The following PIEZO2 variants were observed in gnomAD, a reference collection of about 807,000 sequenced individuals.
PIEZO2 encodes piezo type mechanosensitive ion channel component 2, also known as piezo-type mechanosensitive ion channel component 2.
A neutral mutation model predicts 337.3 loss-of-function variants in PIEZO2; 172 were observed. That is an observed-to-expected ratio of 0.51 (90% CI 0.45 to 0.58). The LOEUF (loss-of-function observed/expected upper bound fraction) is 0.58, where lower values mean the gene tolerates loss of function less well. Ranked by LOEUF, PIEZO2 falls within the 20% of genes least tolerant of loss-of-function variation. The pLI is 0.00. For synonymous variants in PIEZO2, 1,251 were observed against 1,228.5 expected, an observed-to-expected ratio of 1.02 and a Z score of -0.38; for missense variants, 3,028 against 3,391.3, an observed-to-expected ratio of 0.89 and a Z score of 2.66.
intron 2 of PIEZO2, among the ~76,000 whole-genome samples, chr18:11,043,665 A>G (rs1280144370): frequency 1.3e-5 from 2 of 152,068 alleles, no homozygotes; most frequent in Non-Finnish European, 2.9e-5. Context: ...CCCTAAACAC[A>G]TATACTTCCC....
intron 36 of PIEZO2, among the ~76,000 whole-genome samples, chr18:10,718,870 C>G (rs1476227644): frequency 1.3e-5 from 2 of 151,766 alleles, no homozygotes; most frequent in Non-Finnish European, 2.9e-5. Context: ...TGGTGCGCAC[C>G]TGTAGTCCCA....
chr18:11,076,480 T>A (rs1380690741), intron 1 of PIEZO2, among the ~76,000 whole-genome samples: 1 of 152,148 alleles, frequency 6.6e-6, no homozygotes, highest in Non-Finnish European at 1.5e-5. Flanking sequence ...CTGAATTTTC[T>A]GCTTTTTCCA....
Position 10,979,631 on chromosome 18 carries a change from A to T in PIEZO2, c.190T>A (p.Cys64Ser), listed in dbSNP as rs574038773. Reference protein sequence around the residue: ...GHTGRLLKSLCFISLSFLLLH... With the variant: ...GHTGRLLKSLSFISLSFLLLH... ...AACAGGAAGGAAAGACTGATGAAGC[A>T]CAGAGACTTTAATAACCGTCCCGTA... The change falls in exon 3 of 56, where the codon TGC (cysteine) becomes AGC (serine). Residue 64 changes from cysteine (C) to serine (S), a missense_variant. Around this residue, in one of 5 missense-constraint regions of PIEZO2, gnomAD observed 542 missense variants for 605.6 expected, o/e 0.89. Transcript: ENST00000674853. This position sits in a 1 kb window ranked among gnomAD's most constrained non-coding sequence, Gnocchi z 4.0. The T allele has an allele frequency of 9.1e-6, 14 of 1,535,786 alleles. No individual in the cohort carries two copies. The highest frequency in any genetic ancestry group is 1.2e-5 in the Non-Finnish European group (14 of 1,145,814).
intron 29 of PIEZO2, among the ~76,000 whole-genome samples, chr18:10,749,070 A>G (rs1568014326): frequency 6.6e-6 from 1 of 152,226 alleles, no homozygotes; most frequent in South Asian, 2.1e-4. Context: ...AGGAGTATCA[A>G]TAGTATGCCT....
chr18:10,971,483 G>A (rs941635977), intron 3 of PIEZO2, among the ~76,000 whole-genome samples: 1 of 152,190 alleles, frequency 6.6e-6, no homozygotes, highest in Non-Finnish European at 1.5e-5. Context: ...GGACCCACTT[G>A]GAGGAGGTGG....
At chr18:10,804,513 C>T (rs137970570) in intron 8 of PIEZO2, among the ~76,000 whole-genome samples, 7 of 152,284 alleles carry the variant, frequency 4.6e-5, no homozygotes, top group African/African-American at 1.2e-4. Context: ...GGAACAGAAG[C>T]GCTTCGGTGC....
chr18:11,015,389 C>G (rs1391612723), intron 2 of PIEZO2, among the ~76,000 whole-genome samples: 7 of 152,206 alleles, frequency 4.6e-5, no homozygotes, highest in Non-Finnish European at 8.8e-5. Context: ...GTGTGCTTCA[C>G]CAAACCTCCC....
rs1411625349 is a variant in PIEZO2 at position 11,101,852 on chromosome 18, T to C, written c.65-35630A>G. ...AATTTTTGGGACACACAAGCTCTTGTACTCTTGTACTATACTACTTATAAG... is the reference window on the plus strand; with the variant it reads ...AATTTTTGGGACACACAAGCTCTTGCACTCTTGTACTATACTACTTATAAG... On this transcript the variant is annotated intron_variant, in intron 1 of 55. Coordinates refer to ENST00000674853, the MANE Select transcript of PIEZO2 (RefSeq NM_001378183.1). The surrounding 1 kb of genome is among the most constrained non-coding windows in gnomAD (Gnocchi z 4.4). Among the ~76,000 whole-genome samples, 2 of 149,824 alleles carry C rather than the reference T, an allele frequency of 1.3e-5. No individual in the cohort carries two copies. Among genetic ancestry groups the C allele is most frequent in the South Asian group, 2.1e-4 (1 of 4,834 alleles).
chr18:10,741,382 A>C (rs1431057538), intron 32 of PIEZO2, among the ~76,000 whole-genome samples: 1 of 152,238 alleles, frequency 6.6e-6, no homozygotes, highest in Non-Finnish European at 1.5e-5. Context: ...TTATCTGTCA[A>C]AAATACATCT....
intron 3 of PIEZO2, among the ~76,000 whole-genome samples, chr18:10,941,899 G>A (rs966370042): frequency 2.6e-5 from 4 of 152,144 alleles, no homozygotes; most frequent in African/African-American, 9.7e-5. Context: ...GGACCCAGTG[G>A]GAGATGACTG....
At position 10,942,592 on chromosome 18, in the gene PIEZO2, C is replaced by T. The variant is rs1307773312; in HGVS notation, c.287-31364G>A. On this transcript the variant is annotated intron_variant, in intron 3 of 55. Transcript: ENST00000674853. This position sits in a 1 kb window ranked among gnomAD's most constrained non-coding sequence, Gnocchi z 4.4. ...GTATTCAAGAGGGTCCTGTAAAAGGCATTCAGTTTTAGAAGAGAAGCAGAG... is the reference window on the plus strand; with the variant it reads ...GTATTCAAGAGGGTCCTGTAAAAGGTATTCAGTTTTAGAAGAGAAGCAGAG... 6.6e-6 allele frequency among the ~76,000 whole-genome samples: 1 copy of T among 152,122 alleles called. No individual in the cohort carries two copies. Among genetic ancestry groups the T allele is most frequent in the Non-Finnish European group, 1.5e-5 (1 of 68,026 alleles).
intron 3 of PIEZO2, among the ~76,000 whole-genome samples, chr18:10,928,841 G>C (rs141477732): frequency 1.8e-3 from 274 of 152,270 alleles, no homozygotes; most frequent in Admixed American, 4.9e-3. Context: ...GGAACATTTG[G>C]AACTAGCCTA....
In PIEZO2 at chr18:11,031,992, T is replaced by C. The variant is rs2660256; in HGVS notation, c.160+34135A>G. Among the ~76,000 whole-genome samples the C allele has an allele frequency of 0.64, 96,664 of 151,572 alleles. 31,146 individuals carry two copies. The highest frequency in any genetic ancestry group is 0.76 in the Middle Eastern group (221 of 292). The stretch of plus-strand genomic sequence containing the variant: ...TCTCTCTGTCTCTCTCTCACACACA[T>C]ACGCATACACACAGATATTTACTGC... On this transcript the variant is annotated intron_variant, in intron 2 of 55. Coordinates refer to ENST00000674853, the MANE Select transcript of PIEZO2 (RefSeq NM_001378183.1). This position sits in a 1 kb window ranked among gnomAD's most constrained non-coding sequence, Gnocchi z 4.7.
At chr18:10,825,157 C>A (rs1402230491) in intron 7 of PIEZO2, among the ~76,000 whole-genome samples, 1 of 152,180 alleles carries the variant, frequency 6.6e-6, no homozygotes, top group Admixed American at 6.5e-5. Context: ...AGCCATCATG[C>A]CCGGCCACCT....
chr18:10,967,266 C>T (rs567586201), intron 3 of PIEZO2, among the ~76,000 whole-genome samples: 39 of 152,196 alleles, frequency 2.6e-4, no homozygotes, highest in Admixed American at 1.5e-3. Flanking sequence ...ATCCACCTGC[C>T]TCGGCCTCCC....
intron 1 of PIEZO2, among the ~76,000 whole-genome samples, chr18:11,134,174 C>T (rs972414868): frequency 6.6e-6 from 1 of 152,148 alleles, no homozygotes; most frequent in African/African-American, 2.4e-5. Flanking sequence ...GGCCACTGGC[C>T]GTCCAGTCAT....
intron 1 of PIEZO2, among the ~76,000 whole-genome samples, chr18:11,123,580 G>A (rs537339865): frequency 2.6e-5 from 4 of 152,234 alleles, no homozygotes; most frequent in South Asian, 2.1e-4. Context: ...AGGCCGAGGC[G>A]GGCGGATCAT....
chr18:10,955,530 G>C (rs1411502661), intron 3 of PIEZO2, among the ~76,000 whole-genome samples: 1 of 152,180 alleles, frequency 6.6e-6, no homozygotes, highest in Non-Finnish European at 1.5e-5. Flanking sequence ...CAACTTTAGA[G>C]AGTGCACGCT....
At chr18:10,782,921 T>C (rs1409892988) in intron 17 of PIEZO2, among the ~76,000 whole-genome samples, 1 of 152,180 alleles carries the variant, frequency 6.6e-6, no homozygotes, top group African/African-American at 2.4e-5. Flanking sequence ...TGGGAGTCTC[T>C]AGGCTGGTGA....
Sources: gnomAD v4.1 joint callset for allele counts (sites outside exome capture counted in the v4.1 genomes callset) on GRCh38, gnomAD v4.1.1 for gene constraint, gnomAD v4.1.1 regional missense constraint, Gnocchi (gnomAD v3.1) non-coding constraint, MANE v1.5 for transcripts, NCBI Gene and HGNC (gene_info 2026-07-23, HGNC 2026-07-21) for gene names.